ATAD2B: variants seen among roughly 807,000 people sequenced by gnomAD.
The protein encoded by ATAD2B is ATPase family AAA domain containing 2B, also known as ATPase family AAA domain-containing protein 2B.
In ATAD2B, 40 loss-of-function variants were observed where a neutral mutation model predicts 167.6. The ratio of observed to expected loss-of-function variants is 0.24; its 90% CI spans 0.19 to 0.31. ATAD2B has a LOEUF of 0.31. Among genes scored for constraint, ATAD2B ranks in the 10% least tolerant of loss-of-function variants. ATAD2B has a pLI of 1.00. For synonymous variants in ATAD2B, 579 were observed against 596.5 expected (o/e 0.97, Z 0.43); for missense variants, 1,242 against 1,757.2 (o/e 0.71, Z 5.24).
At chr2:23,886,338 C>T (rs1698657764) in intron 4 of ATAD2B, among the ~76,000 whole-genome samples, 1 of 152,062 alleles carries the variant, frequency 6.6e-6, no homozygotes, top group African/African-American at 2.4e-5. Flanking sequence ...TTAATATATA[C>T]ATTAAAATAA....
At chr2:23,919,797 G>T (rs193095984) in intron 1 of ATAD2B, among the ~76,000 whole-genome samples, 1 of 149,734 alleles carries the variant, frequency 6.7e-6, no homozygotes, top group African/African-American at 2.5e-5. Flanking sequence ...GTGAGCTGAG[G>T]TCGCACCATT....
intron 4 of ATAD2B, 111 bp downstream of exon 4, chr2:23,887,721 T>A (rs1698902712): frequency 1.0e-6 from 1 of 994,188 alleles, no homozygotes; most frequent in Non-Finnish European, 1.4e-6. Flanking sequence ...AAGTTAAGTT[T>A]TTAAAGAACT....
rs1433924276 is a variant in ATAD2B at position 23,762,335 on chromosome 2, T to C, written c.3268A>G (p.Thr1090Ala). The C allele has an allele frequency of 3.7e-6, 6 of 1,612,202 alleles. No homozygotes were observed. Among genetic ancestry groups the C allele is most frequent in the Admixed American group, 3.3e-5 (2 of 59,778 alleles). ...EARIKRGLSV[T>A]SEQINPHSTG... ...CTATGAGGATTTATTTGTTCTGATGTTACTGATAAGCCTGCAAGCAGAAGA... is the reference window on the plus strand; with the variant it reads ...CTATGAGGATTTATTTGTTCTGATGCTACTGATAAGCCTGCAAGCAGAAGA... Residue 1090 changes from threonine (T) to alanine (A), a missense_variant, in exon 24 of 28, where the codon ACA (threonine) becomes GCA (alanine). This residue lies in a region of ATAD2B where 204 missense variants were observed against 324.0 expected (regional missense o/e 0.63). Transcript: ENST00000238789.
intron 13 of ATAD2B, among the ~76,000 whole-genome samples, chr2:23,843,181 G>C (rs1193625756): frequency 6.6e-6 from 1 of 152,152 alleles, no homozygotes; most frequent in Non-Finnish European, 1.5e-5. Flanking sequence ...TCAAATGTAA[G>C]TCCTAGGACT....
the ATAD2B span, among the ~76,000 whole-genome samples, chr2:23,682,685 C>T: frequency 1.3e-5 from 2 of 151,424 alleles, no homozygotes; most frequent in African/African-American, 2.4e-5. This position sits in a 1 kb window ranked among gnomAD's most constrained non-coding sequence, Gnocchi z 4.1. Context: ...CTCCCACACC[C>T]TCCCGCACCC....
intron 18 of ATAD2B, among the ~76,000 whole-genome samples, chr2:23,805,607 C>T (rs1684242796): frequency 6.6e-6 from 1 of 151,970 alleles, no homozygotes; most frequent in Non-Finnish European, 1.5e-5. Context: ...AGGAAAAATT[C>T]CTAAACATAG....
At chr2:23,777,268 A>G (rs907741519) in intron 22 of ATAD2B, among the ~76,000 whole-genome samples, 1 of 152,228 alleles carries the variant, frequency 6.6e-6, no homozygotes, top group Admixed American at 6.5e-5. Context: ...TAGCACTAGT[A>G]AACTAATACA....
the ATAD2B span, among the ~76,000 whole-genome samples, chr2:23,698,205 G>T: frequency 6.6e-6 from 1 of 152,150 alleles, no homozygotes; most frequent in African/African-American, 2.4e-5. Context: ...AGACCACCCC[G>T]GGAACCCCAA....
chr2:23,816,327 T>G (rs1327953357), intron 17 of ATAD2B, among the ~76,000 whole-genome samples: 1 of 152,118 alleles, frequency 6.6e-6, no homozygotes, highest in Non-Finnish European at 1.5e-5. Flanking sequence ...AATCAGATAG[T>G]GGTGTAAAGA....
At chr2:23,708,199 G>A in the ATAD2B span, 1 of 152,188 alleles carries the variant, frequency 6.6e-6, no homozygotes, top group East Asian at 1.9e-4. Flanking sequence ...TACGAGTGTG[G>A]CTCCCACTTG....
intron 13 of ATAD2B, among the ~76,000 whole-genome samples, chr2:23,848,998 G>T (rs1692131267): frequency 6.6e-6 from 1 of 150,500 alleles, no homozygotes; most frequent in African/African-American, 2.4e-5. Flanking sequence ...AAACTCAATA[G>T]CAAAATTGAG....
Position 23,750,388 on chromosome 2 carries a change from T to C in ATAD2B, c.*1658A>G, listed in dbSNP as rs1034728639. On this transcript the variant is annotated 3_prime_UTR_variant, in exon 28 of 28. Coordinates refer to ENST00000238789, the MANE Select transcript of ATAD2B (RefSeq NM_017552.4). ...AATGCAAAGAAGCACTTTGGATTAC[T>C]GCAGTAGGCTATGGCCAAAGTATGC... 6.6e-6 allele frequency: 1 copy of C among 152,152 alleles called. No individual in the cohort carries two copies. Among genetic ancestry groups the C allele is most frequent in the Non-Finnish European group, 1.5e-5 (1 of 68,020 alleles). 9.4% of individuals were successfully genotyped at this position (152,152 alleles called of 1,614,324 possible).
chr2:23,918,972 C>A (rs191807330), intron 1 of ATAD2B, among the ~76,000 whole-genome samples: 3 of 152,180 alleles, frequency 2.0e-5, no homozygotes, highest in Non-Finnish European at 4.4e-5. Flanking sequence ...ACACCTGGCA[C>A]GTATGAGATG....
chr2:23,924,268 G>A (rs80124084), intron 1 of ATAD2B, among the ~76,000 whole-genome samples: 352 of 152,280 alleles, frequency 2.3e-3, no homozygotes, highest in African/African-American at 8.1e-3. Flanking sequence ...GTTACAAACA[G>A]GAATACATTT....
the ATAD2B span, among the ~76,000 whole-genome samples, chr2:23,713,277 C>T: frequency 1.3e-5 from 2 of 152,232 alleles, no homozygotes; most frequent in Non-Finnish European, 2.9e-5. Flanking sequence ...CCTGTTAGTA[C>T]AAATCAGCCA....
At position 23,842,437 on chromosome 2, in the gene ATAD2B, G is replaced by A. The variant is rs147821894; in HGVS notation, c.1569-8359C>T. On this transcript the variant is annotated intron_variant, in intron 13 of 27. Transcript: ENST00000238789. Reference sequence around the variant, plus strand: ...TGAATATATACCTGACATTTCTGGTGAGTAAACAGAGACAGATGGGTTCTG... The same window carrying A: ...TGAATATATACCTGACATTTCTGGTAAGTAAACAGAGACAGATGGGTTCTG... Among the ~76,000 whole-genome samples the A allele has an allele frequency of 7.6e-3, 1,159 of 152,250 alleles. 12 individuals carry two copies. The highest frequency in any genetic ancestry group is 0.026 in the African/African-American group (1,093 of 41,532).
chr2:23,913,437 C>T (rs1242969605), intron 1 of ATAD2B, among the ~76,000 whole-genome samples: 2 of 152,048 alleles, frequency 1.3e-5, no homozygotes, highest in African/African-American at 4.8e-5. Context: ...GTCAGGAGTT[C>T]GAGACCAGCC....
At chr2:23,744,064 A>T (rs570116708), downstream of ATAD2B, among the ~76,000 whole-genome samples, 1 of 152,338 alleles carries the variant, frequency 6.6e-6, no homozygotes, top group East Asian at 1.9e-4. Context: ...TAATGCAAAT[A>T]CTGAATAATG....
intron 19 of ATAD2B, among the ~76,000 whole-genome samples, chr2:23,797,928 C>A (rs957817415): frequency 6.6e-6 from 1 of 152,160 alleles, no homozygotes. Flanking sequence ...TTATCTCAAT[C>A]TTTATAACAA....
Sources: allele counts gnomAD v4.1 joint callset (sites outside exome capture counted in the v4.1 genomes callset), GRCh38; gene constraint gnomAD v4.1.1; regional missense constraint gnomAD v4.1.1; non-coding constraint Gnocchi (gnomAD v3.1); transcripts MANE v1.5; gene names NCBI Gene and HGNC (gene_info 2026-07-23, HGNC 2026-07-21).